The following DMTF1 variants were observed in gnomAD, a reference collection of about 807,000 sequenced individuals.
DMTF1 encodes cyclin D binding myb like transcription factor 1.
In DMTF1, 39 loss-of-function variants were observed where a neutral mutation model predicts 91.1. The observed-to-expected ratio is 0.43, with a 90% CI of 0.33 to 0.56. The LOEUF (loss-of-function observed/expected upper bound fraction) is 0.56, where lower values mean the gene tolerates loss of function less well. Ranked by LOEUF, DMTF1 falls within the 20% of genes least tolerant of loss-of-function variation. The pLI, the probability that DMTF1 is intolerant of heterozygous loss-of-function variation, is 0.05. For missense variants in DMTF1, 750 were observed against 914.5 expected, an observed-to-expected ratio of 0.82 and a Z score of 2.32; for synonymous variants, 338 against 309.5, an observed-to-expected ratio of 1.09 and a Z score of -0.97.
chr7:87,173,475 T>A lies in DMTF1; in HGVS notation c.328-60T>A, dbSNP rs1584322089. On this transcript the variant is annotated intron_variant, in intron 5 of 17. Transcript: ENST00000331242. ...AAGATGAATCCGGTTGAGCATTAAA[T>A]CAAGCTGCCATTTTTTTGTTTTGTT... The A allele has an allele frequency of 4.5e-6, 5 of 1,112,962 alleles. No individual in the cohort carries two copies. The East Asian group carries it at 1.3e-4, about 28-fold the overall frequency. 68.9% of individuals were successfully genotyped at this position (1,112,962 alleles called of 1,614,324 possible).
intron 1 of DMTF1, among the ~76,000 whole-genome samples, chr7:87,160,341 C>A (rs756665146): frequency 2.2e-4 from 33 of 149,868 alleles, no homozygotes; most frequent in South Asian, 1.7e-3. Flanking sequence ...ATGGGACGAT[C>A]TTGGCTCACT....
Position 87,188,308 on chromosome 7 carries a change from G to A in DMTF1, c.1411+7G>A, listed in dbSNP as rs778263630. 1 of 1,613,428 alleles carries A rather than the reference G, an allele frequency of 6.2e-7. No homozygotes were observed. Among genetic ancestry groups the A allele is most frequent in the Non-Finnish European group, 8.5e-7 (1 of 1,179,638 alleles). On this transcript the variant is annotated splice_region_variant and intron_variant, in intron 13 of 17. Coordinates refer to ENST00000331242, the MANE Select transcript of DMTF1 (RefSeq NM_001142327.2). ...GTCCAGATCACCCATGTTTGTAAGT[G>A]TTTGATCTTCAAGATTCCTTGCTGT...
chr7:87,181,434 A>G (rs1797366108), intron 9 of DMTF1, 93 bp downstream of exon 9: 1 of 616,106 alleles, frequency 1.6e-6, no homozygotes, highest in Admixed American at 2.9e-5. Flanking sequence ...TTTTTGGCAG[A>G]CTGGTATAAT....
intron 8 of DMTF1, among the ~76,000 whole-genome samples, chr7:87,180,690 C>CA (rs1797139662): frequency 6.6e-6 from 1 of 151,794 alleles, no homozygotes; most frequent in Non-Finnish European, 1.5e-5. Context: ...TTGAGAGTGC[C>CA]AAAATCTAAG....
intron 10 of DMTF1, 22 bp from the exon 11 acceptor site, chr7:87,184,375 C>T (rs1797987912): frequency 6.2e-7 from 1 of 1,606,596 alleles, no homozygotes; most frequent in Non-Finnish European, 8.5e-7. Flanking sequence ...CAGTGGTAGT[C>T]TGGATGATTT....
intron 16 of DMTF1, 193 bp from the exon 17 acceptor site, chr7:87,194,491 T>TA (rs767592353): frequency 6.1e-6 from 3 of 489,084 alleles, no homozygotes; most frequent in Non-Finnish European, 1.1e-5. Flanking sequence ...ACCTAGTCCT[T>TA]ATGAGTTCCT....
intron 1 of DMTF1, among the ~76,000 whole-genome samples, chr7:87,153,997 T>C (rs1790022990): frequency 6.6e-6 from 1 of 152,238 alleles, no homozygotes; most frequent in African/African-American, 2.4e-5. Context: ...ATAACTTGAA[T>C]AATTTGCCAT....
chr7:87,194,534 C>G lies in DMTF1; in HGVS notation c.2029-150C>G, dbSNP rs1800763968. On this transcript the variant is annotated intron_variant, in intron 16 of 17. Coordinates refer to ENST00000331242, the MANE Select transcript of DMTF1 (RefSeq NM_001142327.2). ...AAAGTATGTTAGATTGTGAGGTCATCTTTTGTCCCTGTGAGACCTTAACTT... is the reference window on the plus strand; with the variant it reads ...AAAGTATGTTAGATTGTGAGGTCATGTTTTGTCCCTGTGAGACCTTAACTT... 14 of 555,496 alleles carry G rather than the reference C, an allele frequency of 2.5e-5. No homozygotes were observed. In the South Asian group the frequency reaches 3.6e-4, roughly 14 times the overall value. The allele number at this position is 555,496 out of a possible 1,614,324, so 34.4% of individuals were successfully genotyped here.
intron 4 of DMTF1, among the ~76,000 whole-genome samples, chr7:87,169,242 T>C (rs1189133810): frequency 6.6e-6 from 1 of 152,274 alleles, no homozygotes; most frequent in African/African-American, 2.4e-5. Context: ...GCAGTTTGCT[T>C]GAGCCCAGGG....
intron 2 of DMTF1, 130 bp downstream of exon 2, chr7:87,163,747 A>G (rs1018906604): frequency 6.6e-6 from 1 of 152,252 alleles, no homozygotes; most frequent in Admixed American, 6.5e-5. Context: ...TCCTTTTCAA[A>G]TAGTAATTTG....
At chr7:87,173,012 T>C (rs1294223269) in intron 5 of DMTF1, among the ~76,000 whole-genome samples, 1 of 152,244 alleles carries the variant, frequency 6.6e-6, no homozygotes, top group African/African-American at 2.4e-5. Context: ...CAATAATGAC[T>C]TATGATTGTG....
Position 87,179,931 on chromosome 7 carries a change from A to G in DMTF1, c.677+229A>G, listed in dbSNP as rs112490884. 0.027 allele frequency among the ~76,000 whole-genome samples: 4,176 copies of G among 152,296 alleles called. 81 individuals carry two copies. Among genetic ancestry groups the G allele is most frequent in the Middle Eastern group, 0.071 (21 of 294 alleles). On this transcript the variant is annotated intron_variant, in intron 8 of 17. Transcript: ENST00000331242. ...TTAGATTTAAGACTTGGCTTACTTA[A>G]TATGTCAAAGTCTGCTTTGTAGTAA...
chr7:87,184,687 C>T (rs569141807), intron 11 of DMTF1, 62 bp downstream of exon 11: 2 of 1,449,242 alleles, frequency 1.4e-6, no homozygotes, highest in Non-Finnish European at 1.9e-6. Context: ...TCTTGATAGA[C>T]TTTCCTCTTT....
At position 87,173,622 on chromosome 7, in the gene DMTF1, G is replaced by C; in HGVS notation, c.415G>C (p.Glu139Gln). 6.2e-7 allele frequency: 1 copy of C among 1,609,722 alleles called. No homozygotes were observed. ...TAGCCAAGCATGGTTTACAACTAAA[G>C]AAGATAAGGATTCTCTGACTAATAA... ...AVSQAWFTTK[E>Q]DKDSLTNKGH... is the part of the protein sequence containing the mutation. The change falls in exon 6 of 18, where the codon GAA becomes CAA. Residue 139 changes from glutamate (E) to glutamine (Q), a missense_variant. Glu to Gln is a conservative substitution (Grantham distance 29). Around this residue, in one of 3 missense-constraint regions of DMTF1, gnomAD observed 190 missense variants for 343.8 expected, o/e 0.55. Transcript: ENST00000331242.
chr7:87,175,965 C>CT (rs1004832572), intron 7 of DMTF1, among the ~76,000 whole-genome samples: 4 of 152,160 alleles, frequency 2.6e-5, no homozygotes, highest in African/African-American at 9.7e-5. Context: ...TTTCTAGAGA[C>CT]TTGCTGGCCA....
intron 14 of DMTF1, 158 bp from the exon 15 acceptor site, chr7:87,193,040 T>C: frequency 1.5e-6 from 1 of 669,286 alleles, no homozygotes; most frequent in Non-Finnish European, 2.5e-6. Flanking sequence ...ACCTTCAGGC[T>C]AGGTAATGAC....
intron 9 of DMTF1, chr7:87,182,010 G>A: frequency 6.6e-7 from 1 of 1,522,610 alleles, no homozygotes; most frequent in Non-Finnish European, 8.8e-7. Flanking sequence ...TTTCTTCTCT[G>A]ACCCAGGAAA....
At chr7:87,176,081 T>G (rs942906947) in intron 7 of DMTF1, among the ~76,000 whole-genome samples, 1 of 152,192 alleles carries the variant, frequency 6.6e-6, no homozygotes, top group Non-Finnish European at 1.5e-5. Flanking sequence ...TCCTATCGTT[T>G]GGTATATTGA....
intron 1 of DMTF1, among the ~76,000 whole-genome samples, chr7:87,160,885 A>G (rs1393535425): frequency 6.6e-6 from 1 of 152,168 alleles, no homozygotes; most frequent in African/African-American, 2.4e-5. Flanking sequence ...CTAGAACTGT[A>G]ATCTAGGCTG....
Sources: gnomAD v4.1 joint callset for allele counts (sites outside exome capture counted in the v4.1 genomes callset) on GRCh38, gnomAD v4.1.1 for gene constraint, gnomAD v4.1.1 regional missense constraint, MANE v1.5 for transcripts, NCBI Gene and HGNC (gene_info 2026-07-23, HGNC 2026-07-21) for gene names.